The following MS4A15 variants were observed in gnomAD, a reference collection of about 807,000 sequenced individuals.
MS4A15 encodes the protein membrane spanning 4-domains A15.
MS4A15 carries 22 observed loss-of-function variants against 20.6 expected under a neutral mutation model. That is an observed-to-expected ratio of 1.07 (90% CI 0.76 to 1.52). The LOEUF (loss-of-function observed/expected upper bound fraction) is 1.52. Ranked by LOEUF, MS4A15 falls within the 40% of genes most tolerant of loss-of-function variation. MS4A15 has a pLI of 0.00. For synonymous variants in MS4A15, 129 were observed against 129.3 expected, an observed-to-expected ratio of 1.00 and a Z score of 0.02; for missense variants, 312 against 323.0, an observed-to-expected ratio of 0.97 and a Z score of 0.26.
intron 1 of MS4A15, among the ~76,000 whole-genome samples, chr11:60,761,960 T>C (rs1853753491): frequency 6.6e-6 from 1 of 152,202 alleles, no homozygotes; most frequent in Non-Finnish European, 1.5e-5. Context: ...GATCTTAAAA[T>C]GGCGTGCAGA....
At chr11:60,764,661 A>G (rs1853836042) in intron 2 of MS4A15, among the ~76,000 whole-genome samples, 1 of 152,232 alleles carries the variant, frequency 6.6e-6, no homozygotes, top group African/African-American at 2.4e-5. Context: ...CTGTAATCCC[A>G]GCACTTTGGG....
rs771404195 is a variant in MS4A15, at chr11:60,775,655, C to G, written c.663C>G (p.Ser221Arg). Reference protein sequence around the residue: ...NAFSADFNIPSPAASAPPAYD... With the variant: ...NAFSADFNIPRPAASAPPAYD... ...TCAGCGCAGACTTCAACATCCCCAG[C>G]CCGGCAGCCTCTGCGCCCCCTGCCT... Residue 221 changes from serine to arginine, a missense_variant, in exon 7 of 7, where the codon AGC (serine) becomes AGG (arginine). Transcript: ENST00000405633. The G allele has an allele frequency of 1.1e-5, 18 of 1,613,870 alleles. No individual in the cohort carries two copies. The highest frequency in any genetic ancestry group is 1.5e-5 in the Non-Finnish European group (18 of 1,179,928).
Position 60,763,871 on chromosome 11 carries a change from G to A in MS4A15, c.138G>A (p.Pro46=), listed in dbSNP as rs749111335. The change falls in exon 2 of 7, where the codon CCG becomes CCA. Residue 46 remains proline, a synonymous_variant. Transcript: ENST00000405633. ...PPGIMQFEEP[P]LGAQTPRATQ... ...GGATTATGCAGTTTGAGGAGCCACC[G>A]CTGGGGGCACAGACACCAAGGGCCA... 8.7e-6 allele frequency: 14 copies of A among 1,612,936 alleles called. No homozygotes were observed. The highest frequency in any genetic ancestry group is 8.3e-5 in the Admixed American group (5 of 60,014).
At chr11:60,771,369 C>T (rs1565073722) in intron 4 of MS4A15, 22 bp downstream of exon 4, 2 of 1,613,972 alleles carry the variant, frequency 1.2e-6, no homozygotes. Flanking sequence ...CAGGGGGACC[C>T]AGGGGCGGGG....
chr11:60,770,156 C>T (rs1853997002), intron 3 of MS4A15, among the ~76,000 whole-genome samples: 1 of 152,192 alleles, frequency 6.6e-6, no homozygotes, highest in African/African-American at 2.4e-5. Context: ...GCCTCGTGCC[C>T]GGCTGTTGTC....
chr11:60,759,502 C>G (rs754089268), intron 1 of MS4A15, among the ~76,000 whole-genome samples: 1 of 152,240 alleles, frequency 6.6e-6, no homozygotes, highest in Non-Finnish European at 1.5e-5. Flanking sequence ...TTGGAAAGAC[C>G]TTACCATCCC....
intron 2 of MS4A15, among the ~76,000 whole-genome samples, chr11:60,764,609 C>T (rs1413191323): frequency 1.3e-5 from 2 of 152,112 alleles, no homozygotes; most frequent in African/African-American, 2.4e-5. Flanking sequence ...ATACATGTAG[C>T]GTTAAAAAGA....
At chr11:60,771,955 G>GCAGTGAA (rs538812462) in intron 4 of MS4A15, among the ~76,000 whole-genome samples, 45 of 152,290 alleles carry the variant, frequency 3.0e-4, no homozygotes, top group African/African-American at 9.6e-4. Flanking sequence ...CATGAACATA[G>GCAGTGAA]CAGTGAAGGT....
intron 4 of MS4A15, chr11:60,771,654 C>T (rs1169874906): frequency 4.9e-6 from 7 of 1,423,822 alleles, no homozygotes; most frequent in South Asian, 1.2e-5. Flanking sequence ...CCTTGGTGAG[C>T]AGAGAGGACT....
At chr11:60,761,747 A>G (rs564220274) in intron 1 of MS4A15, among the ~76,000 whole-genome samples, 18 of 152,314 alleles carry the variant, frequency 1.2e-4, no homozygotes, top group Admixed American at 7.2e-4. Flanking sequence ...TAGCAGTGGC[A>G]ATTATACCCT....
intron 4 of MS4A15, 21 bp downstream of exon 4, chr11:60,771,368 C>A (rs748418641): frequency 3.7e-6 from 6 of 1,613,938 alleles, no homozygotes; most frequent in Non-Finnish European, 8.5e-7. Flanking sequence ...ACAGGGGGAC[C>A]CAGGGGCGGG....
At chr11:60,771,529 A>G in intron 4 of MS4A15, 182 bp downstream of exon 4, 1 of 1,534,360 alleles carries the variant, frequency 6.5e-7, no homozygotes, top group South Asian at 1.2e-5. Context: ...GTCCAGGAGA[A>G]GAAGACAGGG....
intron 3 of MS4A15, 94 bp from the exon 4 acceptor site, chr11:60,771,195 TTG>T: frequency 1.4e-6 from 2 of 1,426,554 alleles, no homozygotes; most frequent in Middle Eastern, 4.9e-4. Flanking sequence ...CAGGAGGCTG[TTG>T]TCTCTCCCTG....
chr11:60,766,874 G>A (rs1406417941), intron 2 of MS4A15, among the ~76,000 whole-genome samples: 1 of 152,210 alleles, frequency 6.6e-6, no homozygotes, highest in Non-Finnish European at 1.5e-5. Flanking sequence ...GGGCTCCCAG[G>A]GCTGGATTCC....
intron 5 of MS4A15, 148 bp from the exon 6 acceptor site, chr11:60,773,689 G>A: frequency 1.3e-6 from 1 of 788,634 alleles, no homozygotes; most frequent in East Asian, 2.5e-5. Flanking sequence ...GGGTGAAGGG[G>A]AGGGTGCAGG....
At chr11:60,771,264 C>T (rs369570944) in intron 3 of MS4A15, 27 bp from the exon 4 acceptor site, 360 of 1,612,544 alleles carry the variant, frequency 2.2e-4, no homozygotes, top group Non-Finnish European at 2.9e-4. Flanking sequence ...TGGCTGAGGC[C>T]TCACCTGGTC....
At chr11:60,773,669 G>A (rs1481483291) in intron 5 of MS4A15, among the ~76,000 whole-genome samples, 168 bp from the exon 6 acceptor site, 1 of 152,208 alleles carries the variant, frequency 6.6e-6, no homozygotes, top group Non-Finnish European at 1.5e-5. Context: ...GAGCAAGGAG[G>A]CAGCCTGCAG....
chr11:60,775,847 C>A lies in MS4A15; in HGVS notation c.*132C>A. 1 of 655,636 alleles carries A rather than the reference C, an allele frequency of 1.5e-6. No individual in the cohort carries two copies. Among genetic ancestry groups the A allele is most frequent in the Admixed American group, 2.7e-5 (1 of 37,010 alleles). 40.6% of individuals were successfully genotyped at this position (655,636 alleles called of 1,614,324 possible). A position where few individuals can be genotyped will look rare whatever the true frequency, so the allele number is the denominator to read the frequency against. On this transcript the variant is annotated 3_prime_UTR_variant, in exon 7 of 7. Transcript: ENST00000405633. ...TCCCTCACCACATCTACACATACTC[C>A]GGCATCTGAGTGAAGTGTCCCCAGG...
In MS4A15 at chr11:60,771,311, C is replaced by T; in HGVS notation, c.369C>T (p.Leu123=). 1 of 1,614,156 alleles carries T rather than the reference C, an allele frequency of 6.2e-7. No homozygotes were observed. Among genetic ancestry groups the T allele is most frequent in the Non-Finnish European group, 8.5e-7 (1 of 1,180,032 alleles). ...TACAGTTCATCATCTCCGGATCCCTCTCAGTGGCAGCCGAGAAGAACCACA... is the reference window on the plus strand; with the variant it reads ...TACAGTTCATCATCTCCGGATCCCTTTCAGTGGCAGCCGAGAAGAACCACA... ...GGACFIISGS[L]SVAAEKNHTS... The change falls in exon 4 of 7, where the codon CTC becomes CTT. Residue 123 remains leucine, a synonymous_variant. Coordinates refer to ENST00000405633, the MANE Select transcript of MS4A15 (RefSeq NM_001098835.2).
Sources: gnomAD v4.1 joint callset for allele counts (sites outside exome capture counted in the v4.1 genomes callset) on GRCh38, gnomAD v4.1.1 for gene constraint, MANE v1.5 for transcripts, NCBI Gene and HGNC (gene_info 2026-07-23, HGNC 2026-07-21) for gene names.